The following UBE2L6 variants were observed in gnomAD, a reference collection of about 807,000 sequenced individuals.
The protein encoded by UBE2L6 is ubiquitin/ISG15-conjugating enzyme E2 L6.
UBE2L6 carries 11 observed loss-of-function variants against 13.6 expected under a neutral mutation model. The ratio of observed to expected loss-of-function variants is 0.81; its 90% CI spans 0.51 to 1.34. The LOEUF (loss-of-function observed/expected upper bound fraction) is 1.34, where lower values mean the gene tolerates loss of function less well. Among genes scored for constraint, UBE2L6 ranks in the 40% most tolerant of loss-of-function variants. The pLI is 0.00. For synonymous variants in UBE2L6, 74 were observed against 83.2 expected (o/e 0.89, Z 0.60); for missense variants, 197 against 199.5 (o/e 0.99, Z 0.07).
chr11:57,556,476 C>T (rs923284664), intron 2 of UBE2L6, among the ~76,000 whole-genome samples: 3 of 150,760 alleles, frequency 2.0e-5, no homozygotes, highest in Non-Finnish European at 2.9e-5. Flanking sequence ...ATCCGCTACA[C>T]GGGAGGCTGA....
chr11:57,554,321 T>C (rs994319911), intron 3 of UBE2L6, 116 bp downstream of exon 3: 34 of 1,284,464 alleles, frequency 2.6e-5, no homozygotes, highest in Non-Finnish European at 3.6e-5. Context: ...CAGCCAAGAC[T>C]CACAATTTTT....
At chr11:57,555,085 G>A (rs1014470587) in intron 2 of UBE2L6, among the ~76,000 whole-genome samples, 7 of 152,174 alleles carry the variant, frequency 4.6e-5, no homozygotes, top group African/African-American at 1.7e-4. Context: ...GTGCAGCTGT[G>A]ATGGAAAACA....
Position 57,552,441 on chromosome 11 carries a change from C to T in UBE2L6, c.379G>A (p.Asp127Asn), listed in dbSNP as rs755025294. 6.2e-7 allele frequency: 1 copy of T among 1,614,088 alleles called. No individual in the cohort carries two copies. The highest frequency in any genetic ancestry group is 1.7e-5 in the Admixed American group (1 of 60,002). Residue 127 changes from aspartate (D) to asparagine (N), a missense_variant, in exon 4 of 4, where the codon GAC becomes AAC. By Grantham distance (23) the Asp-to-Asn change is conservative. Transcript: ENST00000287156. ...IREPLRMDLADLLTQNPELFR... is the reference protein window; with the variant it reads ...IREPLRMDLANLLTQNPELFR... The stretch of plus-strand genomic sequence containing the variant: ...AGCTCCGGATTCTGTGTCAGCAGGT[C>T]AGCGAGGTCCATCCGCAGGGGCTCC...
rs545032464 is a variant in UBE2L6, at chr11:57,563,758, C to T, written c.28-3326G>A. ...TACAAAAAAAAAAAAAAAAATTAGCCGGGCGTGGTGGTGGGCGCCTGTAGT... is the reference window on the plus strand; with the variant it reads ...TACAAAAAAAAAAAAAAAAATTAGCTGGGCGTGGTGGTGGGCGCCTGTAGT... On this transcript the variant is annotated intron_variant, in intron 1 of 3. Coordinates refer to ENST00000287156, the MANE Select transcript of UBE2L6 (RefSeq NM_004223.5). Among the ~76,000 whole-genome samples, 533 of 149,688 alleles carry T rather than the reference C, an allele frequency of 3.6e-3. 3 individuals are homozygous for T. Among genetic ancestry groups the T allele is most frequent in the South Asian group, 0.013 (62 of 4,756 alleles).
chr11:57,561,465 G>A (rs1439578649), intron 1 of UBE2L6, among the ~76,000 whole-genome samples: 2 of 152,168 alleles, frequency 1.3e-5, no homozygotes, highest in Admixed American at 1.3e-4. Context: ...ATGTGAATGT[G>A]TATGGATATA....
intron 1 of UBE2L6, among the ~76,000 whole-genome samples, chr11:57,560,764 A>G (rs576654954): frequency 2.0e-4 from 31 of 151,338 alleles, no homozygotes; most frequent in African/African-American, 6.5e-4. Context: ...GGGACTACAG[A>G]CGCCCGCCAC....
chr11:57,561,027 C>A (rs1295301124), intron 1 of UBE2L6, among the ~76,000 whole-genome samples: 1 of 152,142 alleles, frequency 6.6e-6, no homozygotes, highest in Admixed American at 6.6e-5. Flanking sequence ...GATATTAAAA[C>A]TTGGGAGTAA....
At position 57,552,552 on chromosome 11, in the gene UBE2L6, A is replaced by G. The variant is rs201501789; in HGVS notation, c.311-43T>C. On this transcript the variant is annotated intron_variant, in intron 3 of 3. Coordinates refer to ENST00000287156, the MANE Select transcript of UBE2L6 (RefSeq NM_004223.5). ...AGATCAGGATATCAGGGCAGAGGGA[A>G]GGGAGTCATGGCTGCCCGTTCCCAA... 6.8e-6 allele frequency: 11 copies of G among 1,611,632 alleles called. No homozygotes were observed. The East Asian group carries it at 2.5e-4, about 36-fold the overall frequency.
chr11:57,560,828 T>G (rs985818764), intron 1 of UBE2L6, among the ~76,000 whole-genome samples: 2 of 151,720 alleles, frequency 1.3e-5, no homozygotes, highest in Non-Finnish European at 2.9e-5. Flanking sequence ...CACCGTGTTA[T>G]CCAGGATGGT....
At chr11:57,566,952 C>CA (rs1195756925) in intron 1 of UBE2L6, 21 of 168,342 alleles carry the variant, frequency 1.2e-4, no homozygotes, top group Admixed American at 2.8e-4. Flanking sequence ...TGCCCGCCCC[C>CA]CCCCCCCTCC....
intron 2 of UBE2L6, among the ~76,000 whole-genome samples, chr11:57,557,912 G>A (rs920949748): frequency 6.6e-6 from 1 of 152,194 alleles, no homozygotes; most frequent in Admixed American, 6.5e-5. Context: ...ACCTGTCCCA[G>A]CTCTGCCTCG....
chr11:57,560,965 A>G (rs949660007), intron 1 of UBE2L6, among the ~76,000 whole-genome samples: 1 of 151,930 alleles, frequency 6.6e-6, no homozygotes, highest in African/African-American at 2.4e-5. Flanking sequence ...CCTCACCACA[A>G]CTCTGGTACA....
chr11:57,554,591 G>A lies in UBE2L6; in HGVS notation c.156C>T (p.Asn52=), dbSNP rs764266792. 1 of 1,614,196 alleles carries A rather than the reference G, an allele frequency of 6.2e-7. No individual in the cohort carries two copies. Among genetic ancestry groups the A allele is most frequent in the Non-Finnish European group, 8.5e-7 (1 of 1,180,036 alleles). ...DQPPYHLKAF[N]LRISFPPEYP... is the part of the protein sequence containing the mutation. ...ACTCCGGCGGGAAGCTGATGCGCAGGTTGAAGGCTTTCAGGTGGTAGGGAG... is the reference window on the plus strand; with the variant it reads ...ACTCCGGCGGGAAGCTGATGCGCAGATTGAAGGCTTTCAGGTGGTAGGGAG... Residue 52 remains asparagine, a synonymous_variant, in exon 3 of 4, where the codon AAC becomes AAT. Transcript: ENST00000287156.
rs199745337 is a variant in UBE2L6, at chr11:57,552,456, G to A, written c.364C>T (p.Arg122Trp). 160 of 1,614,148 alleles carry A rather than the reference G, an allele frequency of 9.9e-5. No individual in the cohort carries two copies. In the East Asian group the frequency reaches 1.3e-3, roughly 13 times the overall value. ...GTCAGCAGGTCAGCGAGGTCCATCC[G>A]CAGGGGCTCCCTGATATTCGGTCTA... ...VNRPNIREPL[R>W]MDLADLLTQN... The change falls in exon 4 of 4, where the codon CGG (arginine) becomes TGG (tryptophan). Residue 122 changes from arginine to tryptophan, a missense_variant. Physicochemically the swap from Arg to Trp is moderately radical, Grantham distance 101. Transcript: ENST00000287156.
chr11:57,558,990 A>G (rs1945017727), intron 2 of UBE2L6, among the ~76,000 whole-genome samples: 1 of 152,190 alleles, frequency 6.6e-6, no homozygotes, highest in Admixed American at 6.5e-5. Flanking sequence ...GGTCTTGCCA[A>G]CTATTGAGGT....
intron 3 of UBE2L6, among the ~76,000 whole-genome samples, chr11:57,553,329 A>G (rs1944973347): frequency 6.6e-6 from 1 of 152,028 alleles, no homozygotes; most frequent in Non-Finnish European, 1.5e-5. Flanking sequence ...CCTGGTATCT[A>G]CAAAGCATGC....
chr11:57,564,395 A>G (rs972391595), intron 1 of UBE2L6, among the ~76,000 whole-genome samples: 2 of 152,196 alleles, frequency 1.3e-5, no homozygotes, highest in Non-Finnish European at 1.5e-5. Flanking sequence ...AGAAATAAAG[A>G]CTTTCCCAGA....
At chr11:57,555,785 G>A (rs1219462946) in intron 2 of UBE2L6, among the ~76,000 whole-genome samples, 1 of 152,142 alleles carries the variant, frequency 6.6e-6, no homozygotes, top group African/African-American at 2.4e-5. Flanking sequence ...TGCCAGGGCT[G>A]GTCTTGAACT....
At chr11:57,557,617 C>T (rs1337198599) in intron 2 of UBE2L6, among the ~76,000 whole-genome samples, 1 of 152,142 alleles carries the variant, frequency 6.6e-6, no homozygotes, top group African/African-American at 2.4e-5. Flanking sequence ...TGGTCTTGAA[C>T]TTCTGACCTC....
Sources: allele counts gnomAD v4.1 joint callset (sites outside exome capture counted in the v4.1 genomes callset), GRCh38; gene constraint gnomAD v4.1.1; transcripts MANE v1.5; gene names NCBI Gene and HGNC (gene_info 2026-07-23, HGNC 2026-07-21).